The following ACOX3 variants were observed in gnomAD, a reference collection of about 807,000 sequenced individuals.
ACOX3 encodes peroxisomal acyl-coenzyme A oxidase 3.
A neutral mutation model predicts 81.5 loss-of-function variants in ACOX3; 73 were observed. The ratio of observed to expected loss-of-function variants is 0.90; its 90% CI spans 0.74 to 1.09. ACOX3 has a LOEUF of 1.09. ACOX3 is among the 50% of genes least tolerant of loss of function. The probability of loss-of-function intolerance (pLI) is 0.00; values close to 1 mark genes in which losing one functional copy is unlikely to be tolerated. For missense variants in ACOX3, 947 were observed against 928.0 expected (o/e 1.02, Z -0.27); for synonymous variants, 387 against 375.1 (o/e 1.03, Z -0.37).
At chr4:8,378,530 AG>A (rs988513903) in intron 14 of ACOX3, among the ~76,000 whole-genome samples, 1 of 151,674 alleles carries the variant, frequency 6.6e-6, no homozygotes, top group African/African-American at 2.4e-5. Flanking sequence ...TTTTACTCCC[AG>A]GCTGGAAGCA....
Position 8,375,048 on chromosome 4 carries a change from G to A in ACOX3, c.1758C>T (p.Ala586=). 6.4e-7 allele frequency: 1 copy of A among 1,554,798 alleles called. No individual in the cohort carries two copies. The highest frequency in any genetic ancestry group is 8.7e-7 in the Non-Finnish European group (1 of 1,148,988). ...HQPSVPPSLR[A]VLGRLSALYA... is the part of the protein sequence containing the mutation. ...ACAGAGCACTGAGCCGCCCCAGCAC[G>A]GCCCGCAGCGAGGGCGGCACGGAAG... Residue 586 remains alanine (A), a synonymous_variant, in exon 15 of 18, where the codon GCC becomes GCT. Transcript: ENST00000356406.
Position 8,432,679 on chromosome 4 carries a change from A to C in ACOX3, c.-15+7969T>G, listed in dbSNP as rs1724023029. The stretch of plus-strand genomic sequence containing the variant: ...AGTGGCTGGAGCCATCATTCTGATC[A>C]GCACAACAGGGCTGCCACTCAGGGC... On this transcript the variant is annotated intron_variant, in intron 1 of 17. Transcript: ENST00000356406. The surrounding 1 kb of genome is among the most constrained non-coding windows in gnomAD (Gnocchi z 6.2). Among the ~76,000 whole-genome samples, 1 of 152,188 alleles carries C rather than the reference A, an allele frequency of 6.6e-6. No individual in the cohort carries two copies. The highest frequency in any genetic ancestry group is 1.5e-5 in the Non-Finnish European group (1 of 68,044).
At chr4:8,418,785 G>T (rs747031670) in intron 1 of ACOX3, among the ~76,000 whole-genome samples, 26 of 152,296 alleles carry the variant, frequency 1.7e-4, no homozygotes, top group South Asian at 4.1e-4. Context: ...GGTTGAACCG[G>T]GAGGCAGAGG....
At chr4:8,365,094 C>A (rs1322988225), downstream of ACOX3, among the ~76,000 whole-genome samples, 1 of 152,230 alleles carries the variant, frequency 6.6e-6, no homozygotes, top group Non-Finnish European at 1.5e-5. Context: ...ATCTGCATGA[C>A]CCCAGTTGAC....
intron 16 of ACOX3, among the ~76,000 whole-genome samples, 160 bp downstream of exon 16, chr4:8,373,401 G>A (rs181285779): frequency 7.0e-4 from 106 of 151,112 alleles, no homozygotes; most frequent in African/African-American, 2.3e-3. Context: ...GTCTGGGTAA[G>A]GGGGTGCGTG....
rs893401719 is a variant in ACOX3 at position 8,414,077 on chromosome 4, A to C, written c.543+215T>G. 1.2e-4 allele frequency among the ~76,000 whole-genome samples: 18 copies of C among 152,192 alleles called. No individual in the cohort carries two copies. The highest frequency in any genetic ancestry group is 4.1e-4 in the African/African-American group (17 of 41,446). On this transcript the variant is annotated intron_variant, in intron 5 of 17. Coordinates refer to ENST00000356406, the MANE Select transcript of ACOX3 (RefSeq NM_003501.3). This position sits in a 1 kb window ranked among gnomAD's most constrained non-coding sequence, Gnocchi z 6.1. ...ATCCAAACCACGATCAATTCCCCAT[A>C]AAGTTCATGGTGGGCACAGGCTTTG...
rs564218302 is a variant in ACOX3 at position 8,377,155 on chromosome 4, C to T, written c.1654-2003G>A. 1.4e-3 allele frequency among the ~76,000 whole-genome samples: 208 copies of T among 152,324 alleles called. 1 individual carries two copies. Among genetic ancestry groups the T allele is most frequent in the Non-Finnish European group, 2.2e-3 (147 of 68,032 alleles). On this transcript the variant is annotated intron_variant, in intron 14 of 17. Coordinates refer to ENST00000356406, the MANE Select transcript of ACOX3 (RefSeq NM_003501.3). ...CCCACACCACGAGGGCCTCTCCTCT[C>T]GCCATGGGTCCTCTGCGAACCCAGA...
In ACOX3 at chr4:8,416,427, C is replaced by A; in HGVS notation, c.95G>T (p.Trp32Leu). Reference protein sequence around the residue: ...DAYRARASFSWKELALFTEGE... With the variant: ...DAYRARASFSLKELALFTEGE... The stretch of plus-strand genomic sequence containing the variant: ...TTCCGTGAACAGCGCCAGCTCCTTC[C>A]AGCTGAAGGACGCTCTTGCTCGGTA... Residue 32 changes from tryptophan (W) to leucine (L), a missense_variant, in exon 2 of 18, where the codon TGG (tryptophan) becomes TTG (leucine). By Grantham distance (61) the Trp-to-Leu change is moderately conservative. Transcript: ENST00000356406. The surrounding 1 kb of genome is among the most constrained non-coding windows in gnomAD (Gnocchi z 4.2). 1 of 1,614,216 alleles carries A rather than the reference C, an allele frequency of 6.2e-7. No individual in the cohort carries two copies. The highest frequency in any genetic ancestry group is 8.5e-7 in the Non-Finnish European group (1 of 1,180,044).
the ACOX3 span, among the ~76,000 whole-genome samples, chr4:8,359,639 C>G: frequency 1.3e-5 from 2 of 152,224 alleles, no homozygotes; most frequent in Non-Finnish European, 2.9e-5. The surrounding 1 kb of genome is among the most constrained non-coding windows in gnomAD (Gnocchi z 6.0). Context: ...CCTCCTTAAA[C>G]GGGGAAACTT....
chr4:8,372,254 C>T (rs1211315008), intron 16 of ACOX3, among the ~76,000 whole-genome samples: 3 of 152,196 alleles, frequency 2.0e-5, no homozygotes, highest in Admixed American at 1.3e-4. Context: ...GCCACCAAGC[C>T]TGGCTAATTT....
rs963997185 is a variant in ACOX3 at position 8,416,299 on chromosome 4, G to C, written c.144+79C>G. The C allele has an allele frequency of 4.3e-6, 7 of 1,609,802 alleles. No homozygotes were observed. In the Admixed American group the frequency reaches 5.0e-5, roughly 12 times the overall value. The stretch of plus-strand genomic sequence containing the variant: ...TCGCCCGGCAGAGGAGGAGCTGTGA[G>C]AGCCAGAAATCCCATTCTGCTAACG... On this transcript the variant is annotated intron_variant, in intron 2 of 17. Coordinates refer to ENST00000356406, the MANE Select transcript of ACOX3 (RefSeq NM_003501.3). This position sits in a 1 kb window ranked among gnomAD's most constrained non-coding sequence, Gnocchi z 4.2.
chr4:8,438,286 G>A (rs1437432089), intron 1 of ACOX3, among the ~76,000 whole-genome samples: 3 of 152,172 alleles, frequency 2.0e-5, no homozygotes, highest in Admixed American at 1.3e-4. Flanking sequence ...AAATAGGGCA[G>A]GATTTAACAA....
chr4:8,395,686 T>C (rs564477608), intron 9 of ACOX3, among the ~76,000 whole-genome samples: 2 of 152,374 alleles, frequency 1.3e-5, no homozygotes, highest in Admixed American at 1.3e-4. Flanking sequence ...AGGCCAGGCA[T>C]GGTGGCCCCA....
chr4:8,439,585 G>A (rs1724468803), intron 1 of ACOX3, among the ~76,000 whole-genome samples: 1 of 152,148 alleles, frequency 6.6e-6, no homozygotes, highest in African/African-American at 2.4e-5. Context: ...TTGCTTGCTA[G>A]GAAAAAAGCT....
At chr4:8,390,226 C>T (rs1718826893) in intron 11 of ACOX3, among the ~76,000 whole-genome samples, 1 of 152,024 alleles carries the variant, frequency 6.6e-6, no homozygotes, top group Non-Finnish European at 1.5e-5. Context: ...CCTTTAGTCC[C>T]AGCTACCCAG....
intron 11 of ACOX3, among the ~76,000 whole-genome samples, chr4:8,390,338 T>C (rs1230643531): frequency 6.7e-6 from 1 of 148,228 alleles, no homozygotes; most frequent in African/African-American, 2.6e-5. Context: ...GGCAAGACTC[T>C]GACCAAAAAA....
At chr4:8,358,015 TA>T in the ACOX3 span, 1 of 152,436 alleles carries the variant, frequency 6.6e-6, no homozygotes, top group East Asian at 1.9e-4. Context: ...TGACCAACAT[TA>T]AAATAAAAAC....
intron 11 of ACOX3, among the ~76,000 whole-genome samples, chr4:8,391,176 C>T (rs1175033641): frequency 1.3e-5 from 2 of 152,138 alleles, no homozygotes; most frequent in Non-Finnish European, 2.9e-5. Flanking sequence ...AAGACAAAAA[C>T]TACTAAGGGC....
chr4:8,395,116 T>C (rs972159502), intron 9 of ACOX3, among the ~76,000 whole-genome samples: 2 of 152,134 alleles, frequency 1.3e-5, no homozygotes, highest in African/African-American at 4.8e-5. Flanking sequence ...CATGAGCCTG[T>C]GAGGATGAGG....
Sources: gnomAD v4.1 joint callset for allele counts (sites outside exome capture counted in the v4.1 genomes callset) on GRCh38, gnomAD v4.1.1 for gene constraint, Gnocchi (gnomAD v3.1) non-coding constraint, MANE v1.5 for transcripts, NCBI Gene and HGNC (gene_info 2026-07-23, HGNC 2026-07-21) for gene names.